TBC1D26: variants seen among roughly 807,000 people sequenced by gnomAD.
TBC1D26 encodes the protein TBC1 domain family member 26.
TBC1D26 carries 19 observed loss-of-function variants against 42.5 expected under a neutral mutation model. That is an observed-to-expected ratio of 0.45 (90% confidence interval 0.31 to 0.66). The LOEUF (loss-of-function observed/expected upper bound fraction) is 0.66. Among genes scored for constraint, TBC1D26 ranks in the 30% least tolerant of loss-of-function variants. The probability of loss-of-function intolerance (pLI) is 0.06; values close to 1 mark genes in which losing one functional copy is unlikely to be tolerated. For synonymous variants in TBC1D26, 97 were observed against 123.5 expected, an observed-to-expected ratio of 0.79 and a Z score of 1.42; for missense variants, 228 against 332.6, an observed-to-expected ratio of 0.69 and a Z score of 2.45.
chr17:15,732,786 G>A (rs1567722182), intron 1 of TBC1D26, among the ~76,000 whole-genome samples: 1 of 152,154 alleles, frequency 6.6e-6, no homozygotes, highest in Non-Finnish European at 1.5e-5. Context: ...GTGGTGCTCG[G>A]TCCAAGTCTG....
intron 1 of TBC1D26, 67 bp from the exon 2 acceptor site, chr17:15,734,863 T>A (rs965731850): frequency 1.7e-5 from 3 of 181,286 alleles, no homozygotes; most frequent in African/African-American, 7.1e-5. Context: ...TGAAGCGGCT[T>A]CACTGGCCAG....
At chr17:15,742,098 C>T in intron 11 of TBC1D26, 62 bp downstream of exon 11, 1 of 1,413,778 alleles carries the variant, frequency 7.1e-7, no homozygotes, top group Non-Finnish European at 9.8e-7. Context: ...CCAGGGGAGG[C>T]TCAAGTCCCT....
intron 13 of TBC1D26, 27 bp downstream of exon 13, chr17:15,743,035 T>C (rs1211363340): frequency 6.5e-6 from 1 of 153,276 alleles, no homozygotes; most frequent in Non-Finnish European, 1.5e-5. Context: ...CGAGGGTGCT[T>C]GGGGGAACAT....
At chr17:15,741,300 G>C (rs959950843) in intron 10 of TBC1D26, 79 bp downstream of exon 10, 6 of 1,601,508 alleles carry the variant, frequency 3.7e-6, no homozygotes, top group Non-Finnish European at 4.2e-6. Context: ...AGCCACCCTG[G>C]CCGGTGACCC....
Position 15,742,361 on chromosome 17 carries a change from G to T in TBC1D26, c.742-53G>T, listed in dbSNP as rs888644454. The T allele has an allele frequency of 9.9e-6, 4 of 404,978 alleles. No homozygotes were observed. The Admixed American group carries it at 1.6e-4, about 16-fold the overall frequency. 25.1% of individuals were successfully genotyped at this position (404,978 alleles called of 1,614,324 possible). On this transcript the variant is annotated intron_variant, in intron 11 of 14. Coordinates refer to ENST00000437605, the MANE Select transcript of TBC1D26 (RefSeq NM_001388465.1). ...GGTCTGCAGAGGGGCCTGGAAGTGG[G>T]AGGATTTCAGGGCAGCCCAGGGGGC...
At chr17:15,733,352 AC>A (rs2151496080) in intron 1 of TBC1D26, among the ~76,000 whole-genome samples, 1 of 152,214 alleles carries the variant, frequency 6.6e-6, no homozygotes, top group South Asian at 2.1e-4. Flanking sequence ...CTGGAAGGCT[AC>A]TGGGAGGAGG....
chr17:15,734,281 G>A (rs1431270436), intron 1 of TBC1D26, among the ~76,000 whole-genome samples: 1 of 151,932 alleles, frequency 6.6e-6, no homozygotes, highest in African/African-American at 2.4e-5. Context: ...AGAGCCACTG[G>A]GACAGAGCCC....
rs1261659791 is a variant in TBC1D26, at chr17:15,737,767, G to A, written c.199-230G>A. On this transcript the variant is annotated intron_variant, in intron 5 of 14. Coordinates refer to ENST00000437605, the MANE Select transcript of TBC1D26 (RefSeq NM_001388465.1). ...GAACCAAGACCCCAGCTGAAGGCTG[G>A]ACCTGACCAAAACTTGGGGCATTTA... 5.1e-6 allele frequency: 4 copies of A among 787,796 alleles called. No individual in the cohort carries two copies. In the African/African-American group the frequency reaches 5.2e-5, roughly 10 times the overall value. The allele number at this position is 787,796 out of a possible 1,614,324, so 48.8% of individuals were successfully genotyped here.
At chr17:15,740,749 G>T (rs926629449) in intron 9 of TBC1D26, 43 of 1,062,548 alleles carry the variant, frequency 4.0e-5, no homozygotes, top group Non-Finnish European at 3.5e-5. Context: ...TTTGTGTGGT[G>T]GTCAGCGCCC....
chr17:15,737,365 G>A (rs1376594807), intron 4 of TBC1D26, 119 bp from the exon 5 acceptor site: 36 of 1,289,520 alleles, frequency 2.8e-5, no homozygotes, highest in Non-Finnish European at 3.7e-5. Context: ...TCTGTGCCTT[G>A]TCCCAGGCTG....
chr17:15,741,007 G>A (rs1967760838), intron 9 of TBC1D26, 115 bp from the exon 10 acceptor site: 3 of 1,394,770 alleles, frequency 2.2e-6, no homozygotes, highest in Non-Finnish European at 3.0e-6. Context: ...CAAATCCCCT[G>A]GGGCCTGAGG....
intron 1 of TBC1D26, chr17:15,733,643 G>A (rs2529992): frequency 1.2e-4 from 18 of 152,264 alleles, no homozygotes; most frequent in South Asian, 2.1e-4. Context: ...CAGAGACGCT[G>A]CTCGTGCACA....
intron 9 of TBC1D26, chr17:15,740,793 G>A: frequency 2.3e-6 from 2 of 861,690 alleles, no homozygotes; most frequent in South Asian, 4.6e-5. Flanking sequence ...GCAGTTCACA[G>A]GTGCTGCCCC....
chr17:15,741,465 TC>T (rs1967778092), intron 10 of TBC1D26: 4 of 598,902 alleles, frequency 6.7e-6, no homozygotes, highest in South Asian at 2.1e-5. Context: ...CATGGATACC[TC>T]CCCCTGGCTG....
At chr17:15,736,649 G>A (rs553517302) in intron 4 of TBC1D26, 1 of 152,228 alleles carries the variant, frequency 6.6e-6, no homozygotes, top group African/African-American at 2.4e-5. Flanking sequence ...GCTGGGAGGA[G>A]GCTGAGGGCT....
At position 15,742,278 on chromosome 17, in the gene TBC1D26, C is replaced by T. The variant is rs1050337490; in HGVS notation, c.742-136C>T. The T allele has an allele frequency of 4.5e-5, 24 of 534,134 alleles. 1 individual carries two copies. Among genetic ancestry groups the T allele is most frequent in the African/African-American group, 9.6e-5 (5 of 52,328 alleles). The allele number at this position is 534,134 out of a possible 1,614,324, so 33.1% of individuals were successfully genotyped here. ...AAAAGAAGTGTGTCCACCGGGCGTCCGTGCATGGGGCAGGTGTTGGAGCCC... is the reference window on the plus strand; with the variant it reads ...AAAAGAAGTGTGTCCACCGGGCGTCTGTGCATGGGGCAGGTGTTGGAGCCC... On this transcript the variant is annotated intron_variant, in intron 11 of 14. Coordinates refer to ENST00000437605, the MANE Select transcript of TBC1D26 (RefSeq NM_001388465.1).
chr17:15,742,561 C>A, intron 12 of TBC1D26, 82 bp downstream of exon 12: 1 of 177,600 alleles, frequency 5.6e-6, no homozygotes, highest in South Asian at 1.3e-4. Flanking sequence ...GGTCCAGCTC[C>A]CCCAGGAGGA....
chr17:15,738,179 T>A, intron 6 of TBC1D26, 101 bp from the exon 7 acceptor site: 1 of 1,606,004 alleles, frequency 6.2e-7, no homozygotes. Context: ...AGTGGGTGGG[T>A]GGTACCCCAT....
At chr17:15,739,470 G>C (rs890482184) in intron 8 of TBC1D26, among the ~76,000 whole-genome samples, 3 of 152,290 alleles carry the variant, frequency 2.0e-5, no homozygotes, top group Non-Finnish European at 4.4e-5. Context: ...GGAGGAAGGG[G>C]GTTCCACTCT....
Sources: gnomAD v4.1 joint callset for allele counts (sites outside exome capture counted in the v4.1 genomes callset) on GRCh38, gnomAD v4.1.1 for gene constraint, MANE v1.5 for transcripts, NCBI Gene and HGNC (gene_info 2026-07-23, HGNC 2026-07-21) for gene names.